Variants in LRRIQ3 observed in about 807,000 individuals in gnomAD.
LRRIQ3 encodes the protein leucine-rich repeat and IQ domain-containing protein 3.
In LRRIQ3, 75 loss-of-function variants were observed where a neutral mutation model predicts 59.3. The ratio of observed to expected loss-of-function variants is 1.26; its 90% CI spans 1.05 to 1.53. LRRIQ3 has a LOEUF of 1.53. Among genes scored for constraint, LRRIQ3 ranks in the 40% most tolerant of loss-of-function variants. The pLI is 0.00. For missense variants in LRRIQ3, 831 were observed against 710.0 expected, an observed-to-expected ratio of 1.17 and a Z score of -1.94; for synonymous variants, 250 against 231.3, an observed-to-expected ratio of 1.08 and a Z score of -0.73.
intron 1 of LRRIQ3, among the ~76,000 whole-genome samples, chr1:74,187,319 G>C (rs1164214743): frequency 1.3e-5 from 2 of 150,070 alleles, no homozygotes; most frequent in African/African-American, 4.9e-5. Context: ...AAATGTGAGA[G>C]AGATATATAG....
chr1:74,167,515 T>C (rs1557650054), intron 3 of LRRIQ3, among the ~76,000 whole-genome samples: 5 of 151,510 alleles, frequency 3.3e-5, no homozygotes, highest in Non-Finnish European at 7.4e-5. Flanking sequence ...CCCCAGAACT[T>C]AAAATAAAAA....
Position 74,109,534 on chromosome 1 carries a change from T to A in LRRIQ3, c.727A>T (p.Lys243Ter). 6.4e-7 allele frequency: 1 copy of A among 1,562,654 alleles called. No individual in the cohort carries two copies. Among genetic ancestry groups the A allele is most frequent in the South Asian group, 1.2e-5 (1 of 80,118 alleles). ...CTAATAATTTTTTCCTGCTGTTTTT[T>A]TTTGTGGAAAAACACAGGGCTGAAT... is the stretch of plus-strand genomic sequence containing the variant. ...KNLSPVFFHKKKQQEKIIRGY... is the reference protein window; with the variant it reads ...KNLSPVFFHK The change falls in exon 5 of 8, where the codon AAA becomes TAA. Residue 243 changes from lysine to a stop codon, truncating the protein, a stop_gained. Coordinates refer to ENST00000354431, the MANE Select transcript of LRRIQ3 (RefSeq NM_001105659.2). LOFTEE classifies it high-confidence loss of function.
chr1:74,144,168 A>C (rs1026760107), intron 4 of LRRIQ3, among the ~76,000 whole-genome samples: 2 of 151,864 alleles, frequency 1.3e-5, no homozygotes, highest in African/African-American at 4.8e-5. Context: ...TTAAATTTGA[A>C]AGACAAATTA....
intron 6 of LRRIQ3, among the ~76,000 whole-genome samples, chr1:74,056,659 A>G (rs1654544242): frequency 6.6e-6 from 1 of 152,184 alleles, no homozygotes; most frequent in African/African-American, 2.4e-5. Context: ...TTTAACCATG[A>G]AAAGAAAATA....
chr1:74,073,569 CT>C (rs1342677386), intron 6 of LRRIQ3, among the ~76,000 whole-genome samples: 2 of 151,110 alleles, frequency 1.3e-5, no homozygotes, highest in African/African-American at 4.9e-5. Flanking sequence ...CACACAAAGG[CT>C]TTTCAGCTGG....
intron 4 of LRRIQ3, among the ~76,000 whole-genome samples, chr1:74,148,228 T>C (rs147704650): frequency 1.3e-5 from 2 of 152,320 alleles, no homozygotes; most frequent in Admixed American, 1.3e-4. Flanking sequence ...TATAGATGCA[T>C]CTACAGTGTT....
chr1:74,104,984 A>G (rs1646588811), intron 5 of LRRIQ3, among the ~76,000 whole-genome samples: 1 of 152,058 alleles, frequency 6.6e-6, no homozygotes, highest in South Asian at 2.1e-4. Flanking sequence ...ATTAAAAAGA[A>G]GAGAACTGAT....
intron 5 of LRRIQ3, among the ~76,000 whole-genome samples, chr1:74,103,598 A>G (rs943374992): frequency 6.6e-6 from 1 of 151,980 alleles, no homozygotes; most frequent in African/African-American, 2.4e-5. Flanking sequence ...ATACTTAAAC[A>G]TATTTTTTAG....
intron 7 of LRRIQ3, 76 bp from the exon 8 acceptor site, chr1:74,027,045 T>G: frequency 1.0e-6 from 1 of 978,332 alleles, no homozygotes; most frequent in South Asian, 1.9e-5. Context: ...AGACTATTAA[T>G]GATAATAATT....
chr1:74,119,788 C>T (rs891480190), intron 4 of LRRIQ3, among the ~76,000 whole-genome samples: 2 of 152,080 alleles, frequency 1.3e-5, no homozygotes, highest in Non-Finnish European at 2.9e-5. Context: ...CATCTGATTT[C>T]TCTATCCCTG....
intron 7 of LRRIQ3, among the ~76,000 whole-genome samples, chr1:74,028,447 A>C (rs1223392247): frequency 1.3e-5 from 2 of 152,082 alleles, no homozygotes; most frequent in East Asian, 3.8e-4. Flanking sequence ...CTAATATTAA[A>C]TAATTAATTT....
chr1:74,059,250 T>A (rs1654629969), intron 6 of LRRIQ3, among the ~76,000 whole-genome samples: 1 of 151,976 alleles, frequency 6.6e-6, no homozygotes, highest in Admixed American at 6.6e-5. Context: ...ATTTGCTTCC[T>A]TTTTTTCCTT....
At chr1:74,095,142 A>C (rs954397854) in intron 5 of LRRIQ3, 2 of 152,154 alleles carry the variant, frequency 1.3e-5, no homozygotes, top group Non-Finnish European at 2.9e-5. Context: ...TTAGAATGAA[A>C]GCATAATGAC....
At chr1:74,035,284 G>A (rs1029400370) in intron 7 of LRRIQ3, among the ~76,000 whole-genome samples, 10 of 151,646 alleles carry the variant, frequency 6.6e-5, no homozygotes, top group African/African-American at 2.4e-4. Context: ...CATAGAAGTA[G>A]ACATAGACAT....
intron 4 of LRRIQ3, among the ~76,000 whole-genome samples, chr1:74,136,161 T>C (rs1209510787): frequency 6.6e-6 from 1 of 151,912 alleles, no homozygotes; most frequent in Admixed American, 6.6e-5. Flanking sequence ...TAAAAGACAC[T>C]AATTACCAAA....
In LRRIQ3 at chr1:74,183,667, G is replaced by A. The variant is rs200135638; in HGVS notation, c.18C>T (p.Val6=). 7.1e-5 allele frequency: 112 copies of A among 1,570,980 alleles called. 2 individuals carry two copies. The East Asian group carries it at 2.2e-3, about 31-fold the overall frequency. The change falls in exon 2 of 8, where the codon GTC becomes GTT. Residue 6 remains valine, a synonymous_variant. Transcript: ENST00000354431. ...CTTCATGACTGGTTAGCTCTTCTGTGACTGTTCCATGAAACATCTAGGAAA... is the reference window on the plus strand; with the variant it reads ...CTTCATGACTGGTTAGCTCTTCTGTAACTGTTCCATGAAACATCTAGGAAA... MFHGT[V]TEELTSHEEW...
At chr1:74,136,961 T>G (rs1192639527) in intron 4 of LRRIQ3, among the ~76,000 whole-genome samples, 1 of 151,966 alleles carries the variant, frequency 6.6e-6, no homozygotes, top group Non-Finnish European at 1.5e-5. Context: ...AGTTTATTAT[T>G]TTACTGCTGT....
intron 5 of LRRIQ3, among the ~76,000 whole-genome samples, chr1:74,091,370 T>A (rs1182909845): frequency 1.3e-5 from 2 of 152,048 alleles, no homozygotes; most frequent in South Asian, 4.1e-4. Flanking sequence ...CAATTGATAT[T>A]TCAAATACAA....
At chr1:74,156,128 C>T (rs1284440757) in intron 3 of LRRIQ3, among the ~76,000 whole-genome samples, 1 of 152,042 alleles carries the variant, frequency 6.6e-6, no homozygotes. Flanking sequence ...GGCTTAGTGT[C>T]ATCCCTTTGA....
Sources: allele counts gnomAD v4.1 joint callset (sites outside exome capture counted in the v4.1 genomes callset), GRCh38; gene constraint gnomAD v4.1.1; transcripts MANE v1.5; gene names NCBI Gene and HGNC (gene_info 2026-07-23, HGNC 2026-07-21).